The following LARGE1 variants were observed in gnomAD, a reference collection of about 807,000 sequenced individuals.
LARGE1 encodes LARGE xylosyl- and glucuronyltransferase 1.
In LARGE1, 43 loss-of-function variants were observed where a neutral mutation model predicts 87.6. The ratio of observed to expected loss-of-function variants is 0.49; its 90% confidence interval spans 0.38 to 0.63. The LOEUF (loss-of-function observed/expected upper bound fraction) is 0.63. Ranked by LOEUF, LARGE1 falls within the 30% of genes least tolerant of loss-of-function variation. The probability of loss-of-function intolerance (pLI) is 0.00; values close to 1 mark genes in which losing one functional copy is unlikely to be tolerated. For synonymous variants in LARGE1, 434 were observed against 394.6 expected, an observed-to-expected ratio of 1.10 and a Z score of -1.18; for missense variants, 802 against 1,000.2, an observed-to-expected ratio of 0.80 and a Z score of 2.67.
In LARGE1 at chr22:33,728,525, C is replaced by A. The variant is rs191657470; in HGVS notation, c.106+32846G>T. Among the ~76,000 whole-genome samples the A allele has an allele frequency of 3.0e-5, 4 of 132,800 alleles. No homozygotes were observed. The East Asian group carries it at 8.8e-4, about 29-fold the overall frequency. The allele number at this position is 132,800 out of a possible 152,430, so 87.1% of individuals were successfully genotyped here. A position where few individuals can be genotyped will look rare whatever the true frequency, so the allele number is the denominator to read the frequency against. ...CTGCACTACAGCCTGGGCAACAAAG[C>A]GAGACTCCGTCTCCACCCCTACCAC... is the stretch of plus-strand genomic sequence containing the variant. On this transcript the variant is annotated intron_variant, in intron 2 of 14. Coordinates refer to ENST00000397394, the MANE Select transcript of LARGE1 (RefSeq NM_133642.5).
intron 9 of LARGE1, among the ~76,000 whole-genome samples, chr22:33,380,136 T>C (rs1005142293): frequency 3.3e-5 from 5 of 152,248 alleles, no homozygotes; most frequent in Admixed American, 2.6e-4. Context: ...TTTCAAAGCA[T>C]GTAAAATATT....
chr22:33,756,565 G>A (rs1660658961), intron 2 of LARGE1, among the ~76,000 whole-genome samples: 1 of 152,210 alleles, frequency 6.6e-6, no homozygotes, highest in South Asian at 2.1e-4. Context: ...AGGGTGTCAG[G>A]GAGAAGAAAG....
chr22:33,564,229 C>G (rs2077952745), intron 6 of LARGE1, among the ~76,000 whole-genome samples: 1 of 152,118 alleles, frequency 6.6e-6, no homozygotes, highest in Non-Finnish European at 1.5e-5. Context: ...AAGATTTGTG[C>G]TAACCTGCCA....
intron 10 of LARGE1, among the ~76,000 whole-genome samples, chr22:33,326,882 C>T (rs1937289852): frequency 6.6e-6 from 1 of 152,172 alleles, no homozygotes; most frequent in Non-Finnish European, 1.5e-5. Context: ...AGACTTGTAT[C>T]CACTGAGTCT....
chr22:33,302,862 TCTTC>T (rs1934355567), intron 12 of LARGE1, among the ~76,000 whole-genome samples: 1 of 152,126 alleles, frequency 6.6e-6, no homozygotes, highest in Non-Finnish European at 1.5e-5. Flanking sequence ...TGGGCCCCAC[TCTTC>T]CTTCCTGTAG....
intron 2 of LARGE1, among the ~76,000 whole-genome samples, chr22:33,680,377 G>C (rs542703909): frequency 6.6e-5 from 10 of 151,810 alleles, no homozygotes; most frequent in African/African-American, 1.7e-4. Context: ...TATTGATCAG[G>C]CTTTATTTTT....
chr22:33,561,015 C>T (rs546477432), intron 6 of LARGE1, among the ~76,000 whole-genome samples: 4 of 152,190 alleles, frequency 2.6e-5, no homozygotes, highest in Admixed American at 6.5e-5. Context: ...GGGGTTTCAC[C>T]GTGTTAGCCA....
At chr22:33,844,126 G>C (rs1450035906) in intron 1 of LARGE1, among the ~76,000 whole-genome samples, 1 of 150,782 alleles carries the variant, frequency 6.6e-6, no homozygotes, top group Non-Finnish European at 1.5e-5. Flanking sequence ...TTACAGACAA[G>C]ACTTGCAACC....
chr22:33,559,425 AC>A (rs2077789612), intron 6 of LARGE1, among the ~76,000 whole-genome samples: 1 of 151,832 alleles, frequency 6.6e-6, no homozygotes, highest in South Asian at 2.1e-4. Context: ...CAGGTGATCC[AC>A]CCCCCTCGGC....
chr22:33,844,676 T>A (rs537772297), intron 1 of LARGE1, among the ~76,000 whole-genome samples: 2 of 151,756 alleles, frequency 1.3e-5, no homozygotes, highest in African/African-American at 4.8e-5. Context: ...CTCCCCTCTG[T>A]GTGCTTTGGT....
chr22:33,811,474 T>A (rs1243973256), intron 1 of LARGE1, among the ~76,000 whole-genome samples: 3 of 152,148 alleles, frequency 2.0e-5, no homozygotes, highest in Non-Finnish European at 4.4e-5. Context: ...TGAGCTTCAG[T>A]TCAACCAACA....
the LARGE1 span, among the ~76,000 whole-genome samples, chr22:33,102,971 A>C: frequency 6.6e-6 from 1 of 152,040 alleles, no homozygotes; most frequent in African/African-American, 2.4e-5. Flanking sequence ...CATAGAAAGG[A>C]TCTTGGAGGT....
intron 10 of LARGE1, among the ~76,000 whole-genome samples, chr22:33,334,478 A>T (rs1043319658): frequency 6.6e-6 from 1 of 151,752 alleles, no homozygotes; most frequent in Non-Finnish European, 1.5e-5. Flanking sequence ...ACAGTGACTT[A>T]ATGGATTACT....
intron 9 of LARGE1, among the ~76,000 whole-genome samples, chr22:33,365,295 T>C (rs942125170): frequency 2.0e-5 from 3 of 152,148 alleles, no homozygotes; most frequent in Non-Finnish European, 4.4e-5. Context: ...TTCAATATAG[T>C]GCCAAAGTGT....
At chr22:33,118,961 C>CTATGTG in the LARGE1 span, among the ~76,000 whole-genome samples, 1 of 152,204 alleles carries the variant, frequency 6.6e-6, no homozygotes, top group Admixed American at 6.5e-5. Context: ...GGTGAACAAT[C>CTATGTG]TATGTGTCTC....
chr22:33,141,486 T>C, the LARGE1 span, among the ~76,000 whole-genome samples: 1 of 152,098 alleles, frequency 6.6e-6, no homozygotes, highest in African/African-American at 2.4e-5. Flanking sequence ...TTTTTAAATA[T>C]TTCTTGCCTT....
intron 9 of LARGE1, among the ~76,000 whole-genome samples, chr22:33,340,606 C>T (rs561816919): frequency 6.6e-6 from 1 of 152,004 alleles, no homozygotes; most frequent in South Asian, 2.1e-4. Context: ...AGAGAACCCT[C>T]CATGGGACAC....
intron 6 of LARGE1, among the ~76,000 whole-genome samples, chr22:33,526,367 T>G (rs961095541): frequency 2.9e-4 from 44 of 152,140 alleles, no homozygotes; most frequent in African/African-American, 9.9e-4. Flanking sequence ...AGATGACACT[T>G]AAAGAAAAGA....
chr22:33,283,103 G>T, intron 13 of LARGE1, 99 bp downstream of exon 13: 1 of 1,476,228 alleles, frequency 6.8e-7, no homozygotes, highest in Non-Finnish European at 9.5e-7. Flanking sequence ...GGACTAAGGC[G>T]AGCGACAAAC....
Sources: allele counts gnomAD v4.1 joint callset (sites outside exome capture counted in the v4.1 genomes callset), GRCh38; gene constraint gnomAD v4.1.1; transcripts MANE v1.5; gene names NCBI Gene and HGNC (gene_info 2026-07-23, HGNC 2026-07-21).